The following SCN3A variants were observed in gnomAD, a reference collection of about 807,000 sequenced individuals.
The protein encoded by SCN3A is sodium voltage-gated channel alpha subunit 3, also known as sodium channel protein type 3 subunit alpha.
Under a neutral mutation model 187.6 loss-of-function variants are expected in SCN3A, and 60 were observed. The observed-to-expected ratio is 0.32, with a 90% confidence interval of 0.26 to 0.40. SCN3A has a LOEUF of 0.40. Ranked by LOEUF, SCN3A falls within the 10% of genes least tolerant of loss-of-function variation. SCN3A has a pLI of 1.00. For missense variants in SCN3A, 1,601 were observed against 2,428.2 expected (o/e 0.66, Z 7.16); for synonymous variants, 788 against 829.2 (o/e 0.95, Z 0.85).
chr2:165,173,957 C>G (rs1690281221), intron 3 of SCN3A, among the ~76,000 whole-genome samples: 1 of 152,174 alleles, frequency 6.6e-6, no homozygotes, highest in Admixed American at 6.5e-5. Flanking sequence ...TAAAAATTGA[C>G]TTTGTCAAAA....
intron 2 of SCN3A, among the ~76,000 whole-genome samples, chr2:165,181,969 A>G (rs1690904998): frequency 6.6e-6 from 1 of 152,196 alleles, no homozygotes; most frequent in Non-Finnish European, 1.5e-5. Context: ...TATTTTTCTT[A>G]CTGAGAGTGT....
Position 165,140,648 on chromosome 2 carries a change from CA to C in SCN3A, c.2019+2del, listed in dbSNP as rs1687950400. ...CAGTAGCAGCTAGGTCATCTATTAT[CA>C]CCTCTGGGGGAAGTTGTCCAGTAGG... On this transcript the variant is annotated splice_donor_variant, in intron 13 of 27. Transcript: ENST00000283254. LOFTEE classifies it high-confidence loss of function. This position sits in a 1 kb window ranked among gnomAD's most constrained non-coding sequence, Gnocchi z 4.2. The C allele has an allele frequency of 6.2e-7, 1 of 1,611,872 alleles. No homozygotes were observed. The highest frequency in any genetic ancestry group is 1.7e-5 in the Admixed American group (1 of 59,958).
chr2:165,196,926 A>G (rs1692002031), intron 1 of SCN3A, among the ~76,000 whole-genome samples: 1 of 152,110 alleles, frequency 6.6e-6, no homozygotes, highest in Non-Finnish European at 1.5e-5. Context: ...CCAGATAGCA[A>G]TTTGTAAGTA....
At chr2:165,149,880 G>C (rs974393407) in intron 11 of SCN3A, among the ~76,000 whole-genome samples, 1 of 152,138 alleles carries the variant, frequency 6.6e-6, no homozygotes, top group Non-Finnish European at 1.5e-5. Context: ...CACTGTATCT[G>C]TGTGTCCGTA....
At chr2:165,186,023 G>A (rs1691208937) in intron 2 of SCN3A, among the ~76,000 whole-genome samples, 1 of 152,110 alleles carries the variant, frequency 6.6e-6, no homozygotes, top group Non-Finnish European at 1.5e-5. Flanking sequence ...TGTAATCCCA[G>A]CACTTTGGGA....
intron 3 of SCN3A, among the ~76,000 whole-genome samples, chr2:165,174,075 G>A (rs1426217410): frequency 3.3e-5 from 5 of 152,112 alleles, no homozygotes; most frequent in Admixed American, 6.6e-5. Context: ...ACAGGACCTC[G>A]ATCTGTCACC....
rs755522851 is a variant in SCN3A at position 165,146,889 on chromosome 2, T to G, written c.1521A>C (p.Arg507Ser). 3.1e-6 allele frequency: 5 copies of G among 1,614,110 alleles called. No individual in the cohort carries two copies. In the Admixed American group the frequency reaches 8.3e-5, roughly 27 times the overall value. Residue 507 changes from arginine to serine, a missense_variant, in exon 12 of 28, where the codon AGA becomes AGC. Arg to Ser is a moderately radical substitution (Grantham distance 110, BLOSUM62 -1). Coordinates refer to ENST00000283254, the MANE Select transcript of SCN3A (RefSeq NM_006922.4). ...TGTTTCCTTCAAGGTGCTCTCTCTG[T>G]CTTCTTTTCTTCCTTCGGTTCCTCC... ...KEWRNRRKKRRQREHLEGNNK... is the reference protein window; with the variant it reads ...KEWRNRRKKRSQREHLEGNNK...
At chr2:165,117,489 T>C (rs1686427360) in intron 18 of SCN3A, among the ~76,000 whole-genome samples, 1 of 152,106 alleles carries the variant, frequency 6.6e-6, no homozygotes, top group African/African-American at 2.4e-5. Flanking sequence ...TTTACATACA[T>C]CTATATATAC....
At chr2:165,147,091 G>T in intron 11 of SCN3A, 62 bp from the exon 12 acceptor site, 1 of 1,588,530 alleles carries the variant, frequency 6.3e-7, no homozygotes, top group Non-Finnish European at 8.6e-7. Context: ...GTTGAGTATG[G>T]TTAAAATATT....
At chr2:165,112,585 A>G (rs1399808465) in intron 21 of SCN3A, among the ~76,000 whole-genome samples, 2 of 152,150 alleles carry the variant, frequency 1.3e-5, no homozygotes, top group Non-Finnish European at 2.9e-5. Flanking sequence ...TACATCTGTC[A>G]ATTAACATAT....
chr2:165,162,157 G>T lies in SCN3A; in HGVS notation c.1031+151C>A, dbSNP rs887892135. 7.1e-6 allele frequency: 5 copies of T among 707,430 alleles called. No homozygotes were observed. The African/African-American group carries it at 7.3e-5, about 10-fold the overall frequency. The allele number at this position is 707,430 out of a possible 1,614,324, so 43.8% of individuals were successfully genotyped here. On this transcript the variant is annotated intron_variant, in intron 9 of 27. Coordinates refer to ENST00000283254, the MANE Select transcript of SCN3A (RefSeq NM_006922.4). ...TGAGTTTAGGACCAGTGGCAATCCG[G>T]TAAGGCAGACAAGGCACTTCCTAGG...
At chr2:165,188,059 T>A (rs1489713221) in intron 1 of SCN3A, among the ~76,000 whole-genome samples, 4 of 152,188 alleles carry the variant, frequency 2.6e-5, no homozygotes, top group Non-Finnish European at 2.9e-5. Context: ...AATACATTTT[T>A]AAAATATTTG....
Position 165,127,772 on chromosome 2 carries a change from T to A in SCN3A, c.3252A>T (p.Val1084=), listed in dbSNP as rs1287280951. The change falls in exon 18 of 28, where the codon GTA becomes GTT. Residue 1084 remains valine (V), a synonymous_variant. Coordinates refer to ENST00000283254, the MANE Select transcript of SCN3A (RefSeq NM_006922.4). ...VGTGSSVEKY[V]IDENDYMSFI... is the part of the protein sequence containing the mutation. ...ATGACATATAATCATTTTCATCGAT[T>A]ACGTATTTTTCAACACTGCTTCCAG... is the stretch of plus-strand genomic sequence containing the variant. 1 of 1,614,146 alleles carries A rather than the reference T, an allele frequency of 6.2e-7. No homozygotes were observed.
chr2:165,163,765 A>G (rs1416879362), intron 6 of SCN3A, 56 bp from the exon 7 acceptor site: 2 of 1,613,418 alleles, frequency 1.2e-6, no homozygotes, highest in East Asian at 2.2e-5. Context: ...AGTTGGAGAT[A>G]TAAGGGGCCT....
At chr2:165,199,591 TAAA>T (rs531382915) in intron 1 of SCN3A, among the ~76,000 whole-genome samples, 2 of 145,240 alleles carry the variant, frequency 1.4e-5, no homozygotes, top group African/African-American at 5.0e-5. Flanking sequence ...AAAAAAGTAA[TAAA>T]AAAAAAAAAT....
chr2:165,156,512 CAAAAAAAAAAAAAAAAAAAAAAAAAA>C (rs558407270), intron 9 of SCN3A, among the ~76,000 whole-genome samples: 1 of 63,706 alleles, frequency 1.6e-5, no homozygotes, highest in Non-Finnish European at 2.9e-5. Context: ...GACTCTGACT[CAAAAAAAAAAAAAAAAAAAAAAAAAA>C]AAAAAAAAAA....
At chr2:165,156,491 T>C (rs527659553) in intron 9 of SCN3A, among the ~76,000 whole-genome samples, 1,241 of 106,772 alleles carry the variant, frequency 0.012, 10 homozygotes, top group Non-Finnish European at 0.013. Flanking sequence ...CCAGCCTGGG[T>C]GACAGAGCGA....
chr2:165,109,724 T>C (rs1672622841), intron 21 of SCN3A, among the ~76,000 whole-genome samples: 1 of 152,302 alleles, frequency 6.6e-6, no homozygotes, highest in Non-Finnish European at 1.5e-5. Flanking sequence ...TTTGTAACAG[T>C]AGGTCAGATC....
chr2:165,162,342 C>T lies in SCN3A; in HGVS notation c.997G>A (p.Asp333Asn). The change falls in exon 9 of 28, where the codon GAC becomes AAC. Residue 333 changes from aspartate to asparagine, a missense_variant. This residue lies in a region of SCN3A where 104 missense variants were observed against 102.7 expected (regional missense o/e 1.01). Transcript: ENST00000283254. ...SHFYVLDGQK[D>N]PLLCGNGSDA... The stretch of plus-strand genomic sequence containing the variant: ...GAGCCATTTCCACAGAGTAAAGGGT[C>T]TTTTTGCCCATCCAAAACATAAAAG... The T allele has an allele frequency of 6.2e-7, 1 of 1,613,238 alleles. No homozygotes were observed. Among genetic ancestry groups the T allele is most frequent in the Non-Finnish European group, 8.5e-7 (1 of 1,179,772 alleles).
Sources: allele counts gnomAD v4.1 joint callset (sites outside exome capture counted in the v4.1 genomes callset), GRCh38; gene constraint gnomAD v4.1.1; regional missense constraint gnomAD v4.1.1; non-coding constraint Gnocchi (gnomAD v3.1); transcripts MANE v1.5; gene names NCBI Gene and HGNC (gene_info 2026-07-23, HGNC 2026-07-21).